Variants in PSME4 observed in about 807,000 individuals in gnomAD.
The protein encoded by PSME4 is proteasome activator subunit 4, also known as proteasome activator complex subunit 4.
PSME4 carries 89 observed loss-of-function variants against 253.9 expected under a neutral mutation model. The observed-to-expected ratio is 0.35, with a 90% CI of 0.30 to 0.42. PSME4 has a LOEUF of 0.42. Among genes scored for constraint, PSME4 ranks in the 10% least tolerant of loss-of-function variants. The pLI, the probability that PSME4 is intolerant of heterozygous loss-of-function variation, is 1.00. For missense variants in PSME4, 2,014 were observed against 2,195.2 expected, an observed-to-expected ratio of 0.92 and a Z score of 1.65; for synonymous variants, 851 against 759.2, an observed-to-expected ratio of 1.12 and a Z score of -1.99.
intron 3 of PSME4, among the ~76,000 whole-genome samples, chr2:53,945,113 C>T (rs1669641261): frequency 6.6e-6 from 1 of 152,158 alleles, no homozygotes; most frequent in South Asian, 2.1e-4. Context: ...AATTTATACA[C>T]ATAGCAACTG....
chr2:53,928,007 T>C (rs1201322562), intron 11 of PSME4, 110 bp downstream of exon 11: 3 of 695,052 alleles, frequency 4.3e-6, no homozygotes, highest in East Asian at 2.8e-5. Context: ...ACAACATTTA[T>C]TTTCATATTT....
chr2:53,873,718 C>A (rs1220813702), intron 43 of PSME4, among the ~76,000 whole-genome samples: 1 of 151,508 alleles, frequency 6.6e-6, no homozygotes, highest in Non-Finnish European at 1.5e-5. Flanking sequence ...GATTTTTAAT[C>A]CCTTTGAAAC....
intron 1 of PSME4, among the ~76,000 whole-genome samples, chr2:53,956,002 C>T (rs1434379633): frequency 6.6e-6 from 1 of 151,936 alleles, no homozygotes; most frequent in African/African-American, 2.4e-5. Context: ...CAGTGGCTCA[C>T]GCCTATAATC....
intron 3 of PSME4, among the ~76,000 whole-genome samples, chr2:53,940,948 T>TAATACATATTTAAATATTTATATA (rs1553338406): frequency 5.4e-5 from 1 of 18,530 alleles, no homozygotes; most frequent in African/African-American, 1.8e-4. Context: ...TAAATATATA[T>TAATACATATTTAAATATTTATATA]ATACATATAT....
intron 1 of PSME4, among the ~76,000 whole-genome samples, chr2:53,964,562 CTT>C (rs975642522): frequency 6.6e-6 from 1 of 152,198 alleles, no homozygotes; most frequent in Admixed American, 6.5e-5. Flanking sequence ...AGTTTGGTAA[CTT>C]GTCAAGATTT....
chr2:53,952,325 G>C (rs996776331), intron 1 of PSME4, among the ~76,000 whole-genome samples: 1 of 152,212 alleles, frequency 6.6e-6, no homozygotes, highest in Admixed American at 6.5e-5. Context: ...GACGGATCAC[G>C]AGGTCAAGAG....
rs768216362 is a variant in PSME4, at chr2:53,893,818, A to G, written c.3913-19T>C. 2.5e-6 allele frequency: 4 copies of G among 1,570,998 alleles called. No homozygotes were observed. Among genetic ancestry groups the G allele is most frequent in the Non-Finnish European group, 3.4e-6 (4 of 1,164,694 alleles). ...GTTCTGCCTATAAAGTTAAAAAAAG[A>G]ACAATATTCAGCGTTTAAAATCCAC... On this transcript the variant is annotated intron_variant, in intron 34 of 46. Transcript: ENST00000404125.
At chr2:53,949,064 C>A in intron 2 of PSME4, 79 bp downstream of exon 2, 1 of 1,412,250 alleles carries the variant, frequency 7.1e-7, no homozygotes, top group Non-Finnish European at 9.3e-7. Context: ...GTCTTCTTAC[C>A]AAAAACACTT....
chr2:53,955,089 T>C (rs1448915831), intron 1 of PSME4, among the ~76,000 whole-genome samples: 1 of 152,056 alleles, frequency 6.6e-6, no homozygotes, highest in Non-Finnish European at 1.5e-5. Flanking sequence ...GAGGAGCATC[T>C]GAGTCTGGGA....
intron 8 of PSME4, chr2:53,933,268 C>G (rs1573321704): frequency 6.6e-6 from 1 of 151,676 alleles, no homozygotes; most frequent in Admixed American, 6.6e-5. Context: ...GTCCCAACTA[C>G]TCGGGAGGCT....
chr2:53,880,756 C>A (rs11690122), intron 41 of PSME4, among the ~76,000 whole-genome samples: 2,156 of 152,282 alleles, frequency 0.014, 25 homozygotes, highest in South Asian at 0.027. Context: ...AAAGGACATA[C>A]ACCAACAAAG....
intron 10 of PSME4, among the ~76,000 whole-genome samples, chr2:53,930,234 T>A (rs1312233884): frequency 6.6e-6 from 1 of 152,162 alleles, no homozygotes; most frequent in African/African-American, 2.4e-5. Flanking sequence ...AAAAACGTGA[T>A]AGGTCTATTT....
In PSME4 at chr2:53,895,728, G is replaced by A. The variant is rs1462095347; in HGVS notation, c.3697C>T (p.Pro1233Ser). Residue 1233 changes from proline (P) to serine (S), a missense_variant, in exon 33 of 47, where the codon CCT becomes TCT. Around this residue, in one of 4 missense-constraint regions of PSME4, gnomAD observed 989 missense variants for 1,021.1 expected, o/e 0.97. Transcript: ENST00000404125. ...TINPCEISGC[P>S]KPTQIIAGDR... ...CCAGCAATAATTTGGGTGGGTTTAG[G>A]GCATCCACCTAAGGAAAAGACAATC... is the stretch of plus-strand genomic sequence containing the variant. 4.4e-6 allele frequency: 7 copies of A among 1,593,000 alleles called. No individual in the cohort carries two copies. Among genetic ancestry groups the A allele is most frequent in the Admixed American group, 3.7e-5 (2 of 53,750 alleles).
chr2:53,962,846 A>T (rs1480209842), intron 1 of PSME4, among the ~76,000 whole-genome samples: 1 of 152,030 alleles, frequency 6.6e-6, no homozygotes, highest in Non-Finnish European at 1.5e-5. Flanking sequence ...CCCCATCTCT[A>T]TTAAAAACAG....
At chr2:53,935,764 T>C (rs2104463485) in intron 7 of PSME4, among the ~76,000 whole-genome samples, 1 of 152,322 alleles carries the variant, frequency 6.6e-6, no homozygotes, top group Non-Finnish European at 1.5e-5. Flanking sequence ...GACCCAGCCC[T>C]GTAAATTATT....
chr2:53,952,848 C>T (rs1670060825), intron 1 of PSME4, among the ~76,000 whole-genome samples: 1 of 152,240 alleles, frequency 6.6e-6, no homozygotes, highest in Non-Finnish European at 1.5e-5. Context: ...CAGCCCGGTT[C>T]CTAACAGGCC....
intron 26 of PSME4, among the ~76,000 whole-genome samples, 172 bp from the exon 27 acceptor site, chr2:53,904,328 A>T (rs979214990): frequency 4.6e-5 from 7 of 152,240 alleles, no homozygotes; most frequent in African/African-American, 1.7e-4. Context: ...ACTTATATCA[A>T]AAGGAAAGCA....
chr2:53,959,334 C>T (rs960985503), intron 1 of PSME4, among the ~76,000 whole-genome samples: 1 of 151,988 alleles, frequency 6.6e-6, no homozygotes, highest in African/African-American at 2.4e-5. Context: ...CACTGTACTA[C>T]AGCCTAAGTG....
At chr2:53,925,710 AT>A in intron 13 of PSME4, 21 bp from the exon 14 acceptor site, 1 of 1,588,816 alleles carries the variant, frequency 6.3e-7, no homozygotes, top group South Asian at 1.1e-5. Context: ...CAAACAAAGC[AT>A]AATTTCAGCA....
Sources: gnomAD v4.1 joint callset for allele counts (sites outside exome capture counted in the v4.1 genomes callset) on GRCh38, gnomAD v4.1.1 for gene constraint, gnomAD v4.1.1 regional missense constraint, MANE v1.5 for transcripts, NCBI Gene and HGNC (gene_info 2026-07-23, HGNC 2026-07-21) for gene names.